Variants in IGF2BP2 observed in about 807,000 individuals in gnomAD.
IGF2BP2 encodes the protein insulin like growth factor 2 mRNA binding protein 2, also known as insulin-like growth factor 2 mRNA-binding protein 2.
IGF2BP2 carries 17 observed loss-of-function variants against 75.8 expected under a neutral mutation model. The ratio of observed to expected loss-of-function variants is 0.22; its 90% CI spans 0.15 to 0.34. The LOEUF is 0.34. Among genes scored for constraint, IGF2BP2 ranks in the 10% least tolerant of loss-of-function variants. The pLI is 1.00. For missense variants in IGF2BP2, 516 were observed against 772.4 expected (o/e 0.67, Z 3.93); for synonymous variants, 288 against 295.6 (o/e 0.97, Z 0.26).
intron 10 of IGF2BP2, among the ~76,000 whole-genome samples, chr3:185,667,311 T>G (rs1717797038): frequency 6.6e-6 from 1 of 151,958 alleles, no homozygotes; most frequent in Admixed American, 6.6e-5. Context: ...CAACTAAAAA[T>G]TAGTGTAAGA....
chr3:185,646,810 A>C lies in IGF2BP2; in HGVS notation c.1707+215T>G, dbSNP rs920151570. 3 of 579,020 alleles carry C rather than the reference A, an allele frequency of 5.2e-6. No homozygotes were observed. In the East Asian group the frequency reaches 8.8e-5, roughly 17 times the overall value. 35.9% of individuals were successfully genotyped at this position (579,020 alleles called of 1,614,324 possible). On this transcript the variant is annotated intron_variant, in intron 15 of 15. Coordinates refer to ENST00000382199, the MANE Select transcript of IGF2BP2 (RefSeq NM_006548.6). ...ACTCTTCACTCTTCCCCAAGCTCCTAGCATACATACCTCGGGGATGACAGT... is the reference window on the plus strand; with the variant it reads ...ACTCTTCACTCTTCCCCAAGCTCCTCGCATACATACCTCGGGGATGACAGT...
intron 2 of IGF2BP2, among the ~76,000 whole-genome samples, chr3:185,751,559 T>C (rs1055353058): frequency 4.6e-5 from 7 of 150,550 alleles, no homozygotes; most frequent in Admixed American, 2.0e-4. Context: ...GGCAGGAGAA[T>C]TGCTTGAGGC....
chr3:185,665,425 A>AAGGAGGAGGAGGAGAAGGAGG (rs1717297191), intron 10 of IGF2BP2, among the ~76,000 whole-genome samples: 2 of 40,230 alleles, frequency 5.0e-5, no homozygotes, highest in Non-Finnish European at 1.1e-4. Context: ...GGAGAAGGAG[A>AAGGAGGAGGAGGAGAAGGAGG]AGGAGGAGGA....
At chr3:185,750,479 G>C (rs1209848396) in intron 2 of IGF2BP2, among the ~76,000 whole-genome samples, 1 of 152,106 alleles carries the variant, frequency 6.6e-6, no homozygotes, top group African/African-American at 2.4e-5. Flanking sequence ...ACACACCTGA[G>C]TATCTAAAGC....
intron 1 of IGF2BP2, 158 bp from the exon 2 acceptor site, chr3:185,823,371 G>C: frequency 2.0e-6 from 1 of 501,822 alleles, no homozygotes; most frequent in Non-Finnish European, 3.6e-6. Context: ...GTTCCCAGTA[G>C]AAAGAAAGGT....
chr3:185,769,709 G>A (rs1208585058), intron 2 of IGF2BP2, among the ~76,000 whole-genome samples: 1 of 151,208 alleles, frequency 6.6e-6, no homozygotes, highest in Non-Finnish European at 1.5e-5. Flanking sequence ...CACACCTGTG[G>A]TCCCAGCTAC....
At chr3:185,705,095 G>C (rs766430888) in intron 2 of IGF2BP2, among the ~76,000 whole-genome samples, 2 of 152,204 alleles carry the variant, frequency 1.3e-5, no homozygotes, top group African/African-American at 2.4e-5. Context: ...GTGGTGACCT[G>C]CTGCAAAGGG....
intron 1 of IGF2BP2, among the ~76,000 whole-genome samples, chr3:185,823,917 C>T (rs1481293691): frequency 1.3e-5 from 2 of 151,818 alleles, no homozygotes; most frequent in African/African-American, 4.8e-5. Flanking sequence ...AGCGCGCTCG[C>T]GGGCCCCCCG....
chr3:185,784,093 G>A (rs1031016404), intron 2 of IGF2BP2, among the ~76,000 whole-genome samples: 3 of 152,122 alleles, frequency 2.0e-5, no homozygotes, highest in African/African-American at 7.2e-5. Context: ...AAATTAGCCA[G>A]GTGTGGTGGC....
chr3:185,716,586 T>C (rs1160874434), intron 2 of IGF2BP2: 2 of 520,030 alleles, frequency 3.8e-6, no homozygotes, highest in Admixed American at 3.9e-5. Flanking sequence ...ACGTCCTCAG[T>C]AAGGAATTTA....
intron 2 of IGF2BP2, among the ~76,000 whole-genome samples, chr3:185,756,100 C>T (rs533337737): frequency 6.6e-6 from 1 of 152,284 alleles, no homozygotes; most frequent in South Asian, 2.1e-4. Context: ...GTGGATCCTT[C>T]ATGAATGGCT....
At position 185,697,417 on chromosome 3, in the gene IGF2BP2, GT is replaced by G. The variant is rs11437010; in HGVS notation, c.289-755del. Reference sequence around the variant, plus strand: ...CATCACGCCCAGGCAATAATCGTGTGTTTTTTTTTTTTAAAGTAATAAAAAC... The same window carrying G: ...CATCACGCCCAGGCAATAATCGTGTGTTTTTTTTTTTAAAGTAATAAAAAC... On this transcript the variant is annotated intron_variant, in intron 3 of 15. Transcript: ENST00000382199. Among the ~76,000 whole-genome samples, 169 of 148,080 alleles carry G rather than the reference GT, an allele frequency of 1.1e-3. 1 individual carries two copies. Among genetic ancestry groups the G allele is most frequent in the African/African-American group, 3.7e-3 (148 of 40,266 alleles).
At chr3:185,820,940 A>T in intron 2 of IGF2BP2, 1 of 1,450,000 alleles carries the variant, frequency 6.9e-7, no homozygotes, top group Non-Finnish European at 9.3e-7. Context: ...TAATATTCAC[A>T]GAAATGCAAC....
At chr3:185,677,812 T>C (rs1008402697) in intron 7 of IGF2BP2, among the ~76,000 whole-genome samples, 6 of 152,150 alleles carry the variant, frequency 3.9e-5, no homozygotes, top group Middle Eastern at 3.4e-3. Context: ...AAAAATACAA[T>C]TGAACAGAAA....
At chr3:185,654,938 G>A (rs1468385603) in intron 12 of IGF2BP2, among the ~76,000 whole-genome samples, 1 of 152,160 alleles carries the variant, frequency 6.6e-6, no homozygotes, top group Non-Finnish European at 1.5e-5. Context: ...CTCCTCCCAT[G>A]GATGAGTGTG....
At chr3:185,726,532 A>T (rs1727353491) in intron 2 of IGF2BP2, among the ~76,000 whole-genome samples, 1 of 152,194 alleles carries the variant, frequency 6.6e-6, no homozygotes, top group Non-Finnish European at 1.5e-5. Context: ...GATAAAACAC[A>T]AATTAGATTC....
chr3:185,692,902 A>T (rs1722140065), intron 4 of IGF2BP2, 140 bp from the exon 5 acceptor site: 1 of 686,812 alleles, frequency 1.5e-6, no homozygotes, highest in African/African-American at 1.8e-5. Context: ...CTCTACGTTT[A>T]TTCATCTGAG....
chr3:185,810,328 A>G (rs1473191254), intron 2 of IGF2BP2, among the ~76,000 whole-genome samples: 1 of 152,246 alleles, frequency 6.6e-6, no homozygotes, highest in East Asian at 1.9e-4. Context: ...AGCAGAGTCC[A>G]TATGGCCTTC....
Position 185,802,240 on chromosome 3 carries a change from G to A in IGF2BP2, c.239+20913C>T, listed in dbSNP as rs571783411. Reference sequence around the variant, plus strand: ...TCCCAGAGGAGCACACAGGTAGAGAGGTTCTGATCACTAGTCCTTTGCTAA... The same window carrying A: ...TCCCAGAGGAGCACACAGGTAGAGAAGTTCTGATCACTAGTCCTTTGCTAA... On this transcript the variant is annotated intron_variant, in intron 2 of 15. Transcript: ENST00000382199. 1.6e-4 allele frequency among the ~76,000 whole-genome samples: 24 copies of A among 149,410 alleles called. 1 individual carries two copies. In the South Asian group the frequency reaches 2.1e-3, roughly 13 times the overall value.
Sources: allele counts gnomAD v4.1 joint callset (sites outside exome capture counted in the v4.1 genomes callset), GRCh38; gene constraint gnomAD v4.1.1; transcripts MANE v1.5; gene names NCBI Gene and HGNC (gene_info 2026-07-23, HGNC 2026-07-21).